The following SLC44A1 variants were observed in gnomAD, a reference collection of about 807,000 sequenced individuals.
SLC44A1 encodes solute carrier family 44 member 1, also known as choline transporter-like protein 1.
SLC44A1 carries 26 observed loss-of-function variants against 79.3 expected under a neutral mutation model. The ratio of observed to expected loss-of-function variants is 0.33; its 90% CI spans 0.24 to 0.46. The LOEUF is 0.46. SLC44A1 is among the 20% of genes least tolerant of loss of function. The pLI, the probability that SLC44A1 is intolerant of heterozygous loss-of-function variation, is 1.00. For synonymous variants in SLC44A1, 263 were observed against 286.2 expected (o/e 0.92, Z 0.82); for missense variants, 688 against 798.1 (o/e 0.86, Z 1.66).
intron 1 of SLC44A1, among the ~76,000 whole-genome samples, chr9:105,294,375 C>A (rs1022303529): frequency 2.6e-5 from 4 of 152,014 alleles, no homozygotes; most frequent in Admixed American, 2.6e-4. Flanking sequence ...CTAATAAATT[C>A]TGTCACGTGT....
At chr9:105,270,859 A>G (rs565895997) in intron 1 of SLC44A1, among the ~76,000 whole-genome samples, 2 of 152,334 alleles carry the variant, frequency 1.3e-5, no homozygotes, top group East Asian at 1.9e-4. Context: ...CAGTAATTGT[A>G]TCAACTTACA....
intron 1 of SLC44A1, among the ~76,000 whole-genome samples, chr9:105,293,568 C>T (rs1830651662): frequency 1.3e-5 from 2 of 152,180 alleles, no homozygotes; most frequent in South Asian, 4.1e-4. Context: ...TAATTCTGTG[C>T]ACTTGATGCA....
At chr9:105,304,947 T>C in intron 2 of SLC44A1, among the ~76,000 whole-genome samples, 1 of 49,422 alleles carries the variant, frequency 2.0e-5, no homozygotes, top group Non-Finnish European at 3.6e-5. Context: ...TTCTATCGTT[T>C]TTTTTTTTTT....
chr9:105,356,542 A>T (rs1325251345), intron 6 of SLC44A1, among the ~76,000 whole-genome samples, 161 bp downstream of exon 6: 1 of 152,218 alleles, frequency 6.6e-6, no homozygotes. Flanking sequence ...GAATATGTAC[A>T]TATAAGTATG....
chr9:105,424,552 A>G (rs1046435635), intron 15 of SLC44A1, among the ~76,000 whole-genome samples: 3 of 152,182 alleles, frequency 2.0e-5, no homozygotes, highest in African/African-American at 7.2e-5. Context: ...ATACTAACTA[A>G]CTTTCTCAGT....
intron 3 of SLC44A1, among the ~76,000 whole-genome samples, chr9:105,320,497 A>G (rs1826359096): frequency 6.6e-6 from 1 of 152,112 alleles, no homozygotes; most frequent in Non-Finnish European, 1.5e-5. Flanking sequence ...TCCCACTACA[A>G]TAGTAGGAGG....
At chr9:105,256,257 C>T (rs1179536996) in intron 1 of SLC44A1, among the ~76,000 whole-genome samples, 1 of 152,068 alleles carries the variant, frequency 6.6e-6, no homozygotes, top group East Asian at 1.9e-4. Flanking sequence ...AGTGATCTGC[C>T]CACCTCAGCC....
intron 2 of SLC44A1, among the ~76,000 whole-genome samples, chr9:105,304,944 G>GTTTTTTTTTGTTTTTTTTTTTTTTTTTT (rs1554790127): frequency 5.0e-5 from 1 of 20,078 alleles, no homozygotes; most frequent in Non-Finnish European, 1.1e-4. Flanking sequence ...ACTTTCTATC[G>GTTTTTTTTTGTTTTTTTTTTTTTTTTTT]TTTTTTTTTT....
At chr9:105,354,587 T>C (rs1827561389) in intron 5 of SLC44A1, among the ~76,000 whole-genome samples, 2 of 152,194 alleles carry the variant, frequency 1.3e-5, no homozygotes, top group Non-Finnish European at 2.9e-5. Context: ...TTGACACAAA[T>C]ACACAGGGAT....
Position 105,256,796 on chromosome 9 carries a change from A to ATT in SLC44A1, c.36+11893_36+11894dup, listed in dbSNP as rs1829719042. Among the ~76,000 whole-genome samples, 12 of 134,356 alleles carry ATT rather than the reference A, an allele frequency of 8.9e-5. No homozygotes were observed. In the South Asian group the frequency reaches 1.1e-3, roughly 13 times the overall value. The allele number at this position is 134,356 out of a possible 152,430, so 88.1% of individuals were successfully genotyped here. On this transcript the variant is annotated intron_variant, in intron 1 of 15. Coordinates refer to ENST00000374720, the MANE Select transcript of SLC44A1 (RefSeq NM_080546.5). ...ATTTTATTTTATTTTATTTTATTTT[A>ATT]TTATTTTTTGAGATGGACTCTTGCT... is the stretch of plus-strand genomic sequence containing the variant.
At chr9:105,262,291 T>C (rs142508005) in intron 1 of SLC44A1, among the ~76,000 whole-genome samples, 187 of 152,314 alleles carry the variant, frequency 1.2e-3, no homozygotes, top group Non-Finnish European at 2.2e-3. Context: ...GATAAAGTTA[T>C]TGTGTCTGTA....
chr9:105,429,673 GA>G (rs1445440381), intron 15 of SLC44A1, among the ~76,000 whole-genome samples: 1 of 151,926 alleles, frequency 6.6e-6, no homozygotes, highest in Non-Finnish European at 1.5e-5. Context: ...TGTACCCTTG[GA>G]AAAAGTGCTT....
chr9:105,351,399 T>C (rs1481978602), intron 5 of SLC44A1, among the ~76,000 whole-genome samples: 4 of 151,992 alleles, frequency 2.6e-5, no homozygotes, highest in Non-Finnish European at 5.9e-5. Flanking sequence ...CTGGGTATGG[T>C]GGTGCATGCC....
At chr9:105,426,338 T>A (rs549345984) in intron 15 of SLC44A1, among the ~76,000 whole-genome samples, 3 of 152,362 alleles carry the variant, frequency 2.0e-5, no homozygotes, top group African/African-American at 7.2e-5. Context: ...TGATTTACAT[T>A]GACATTTACA....
intron 3 of SLC44A1, among the ~76,000 whole-genome samples, chr9:105,312,905 A>G (rs1210007670): frequency 6.6e-6 from 1 of 151,968 alleles, no homozygotes; most frequent in Non-Finnish European, 1.5e-5. Flanking sequence ...TAGGGCTCTT[A>G]TGTTGTCATT....
intron 3 of SLC44A1, among the ~76,000 whole-genome samples, chr9:105,319,060 T>G (rs1419594875): frequency 6.6e-6 from 1 of 152,174 alleles, no homozygotes; most frequent in African/African-American, 2.4e-5. Context: ...TATTAACTGC[T>G]TCAACTATGA....
intron 4 of SLC44A1, among the ~76,000 whole-genome samples, chr9:105,346,952 G>A (rs2131378246): frequency 6.6e-6 from 1 of 152,132 alleles, no homozygotes; most frequent in Middle Eastern, 3.4e-3. Context: ...ATTTCAGTAT[G>A]CTATTAAGGC....
In SLC44A1 at chr9:105,269,711, T is replaced by G. The variant is rs183898369; in HGVS notation, c.36+24807T>G. 3.2e-3 allele frequency among the ~76,000 whole-genome samples: 480 copies of G among 152,306 alleles called. 1 individual carries two copies. The highest frequency in any genetic ancestry group is 5.0e-3 in the Non-Finnish European group (341 of 68,018). On this transcript the variant is annotated intron_variant, in intron 1 of 15. Transcript: ENST00000374720. ...AAAACCAGGGATGCTGCCATGTTCC[T>G]CTCTGTGTTGTATTGCTGTGGTTTT...
chr9:105,358,820 CTA>C (rs562892033), intron 7 of SLC44A1, among the ~76,000 whole-genome samples: 10 of 152,176 alleles, frequency 6.6e-5, no homozygotes, highest in Admixed American at 3.9e-4. Flanking sequence ...GCTACACGAA[CTA>C]TGTTTTCTTT....
Sources: gnomAD v4.1 joint callset for allele counts (sites outside exome capture counted in the v4.1 genomes callset) on GRCh38, gnomAD v4.1.1 for gene constraint, MANE v1.5 for transcripts, NCBI Gene and HGNC (gene_info 2026-07-23, HGNC 2026-07-21) for gene names.